The following DGKE variants were observed in gnomAD, a reference collection of about 807,000 sequenced individuals.
DGKE encodes diacylglycerol kinase epsilon, also known as DAG kinase epsilon.
Under a neutral mutation model 70.0 loss-of-function variants are expected in DGKE, and 53 were observed. The observed-to-expected ratio is 0.76, with a 90% CI of 0.61 to 0.95. DGKE has a LOEUF of 0.95. Ranked by LOEUF, DGKE falls within the 40% of genes least tolerant of loss-of-function variation. The probability of loss-of-function intolerance (pLI) is 0.00; values close to 1 mark genes in which losing one functional copy is unlikely to be tolerated. For synonymous variants in DGKE, 291 were observed against 257.0 expected, an observed-to-expected ratio of 1.13 and a Z score of -1.27; for missense variants, 655 against 706.9, an observed-to-expected ratio of 0.93 and a Z score of 0.83.
chr17:56,847,817 A>G (rs1907388281), intron 4 of DGKE, 105 bp from the exon 5 acceptor site: 1 of 740,862 alleles, frequency 1.3e-6, no homozygotes, highest in Admixed American at 3.4e-5. Context: ...CATAGTAGCC[A>G]GTAATGTTAT....
In DGKE at chr17:56,849,231, A is replaced by G. The variant is rs74815275; in HGVS notation, c.1097A>G (p.Lys366Arg). ...NKGYYNLRKP[K>R]EFTMNNYFSV... ...GGATACTACAACTTAAGAAAACCCA[A>G]GGTATGTTGTTAGTGCCTCAGTTGC... Residue 366 changes from lysine (K) to arginine (R), a missense_variant and splice_region_variant, in exon 7 of 12, where the codon AAG (lysine) becomes AGG (arginine). Lys to Arg is a conservative substitution (Grantham distance 26). Coordinates refer to ENST00000284061, the MANE Select transcript of DGKE (RefSeq NM_003647.3). 2.2e-5 allele frequency: 35 copies of G among 1,610,272 alleles called. No homozygotes were observed. In the East Asian group the frequency reaches 7.4e-4, roughly 34 times the overall value.
chr17:56,850,327 C>A (rs1420454256), intron 7 of DGKE, among the ~76,000 whole-genome samples: 1 of 151,866 alleles, frequency 6.6e-6, no homozygotes, highest in Non-Finnish European at 1.5e-5. Flanking sequence ...GAGAGAGGGT[C>A]TCCCTATATT....
In DGKE at chr17:56,835,197, G is replaced by C. The variant is rs1423764273; in HGVS notation, c.402G>C (p.Leu134=). 6.2e-7 allele frequency: 1 copy of C among 1,614,006 alleles called. No homozygotes were observed. Among genetic ancestry groups the C allele is most frequent in the Non-Finnish European group, 8.5e-7 (1 of 1,180,038 alleles). The stretch of plus-strand genomic sequence containing the variant: ...ACTGGATCCGGGGCAACGTGCCCCT[G>C]TGCAGTTACTGTATGGTTTGCAAGC... ...PHHWIRGNVP[L]CSYCMVCKQQ... is the part of the protein sequence containing the mutation. Residue 134 remains leucine (L), a synonymous_variant, in exon 2 of 12, where the codon CTG becomes CTC. Coordinates refer to ENST00000284061, the MANE Select transcript of DGKE (RefSeq NM_003647.3).
chr17:56,849,323 T>A (rs1907508922), intron 7 of DGKE, 91 bp downstream of exon 7: 1 of 1,179,458 alleles, frequency 8.5e-7, no homozygotes, highest in Non-Finnish European at 1.2e-6. Context: ...CTGGTGCTTA[T>A]CTCAAGGGAG....
At position 56,834,912 on chromosome 17, in the gene DGKE, G is replaced by C. The variant is rs201377251; in HGVS notation, c.117G>C (p.Trp39Cys). ...SVLLPVFITF[W>C]CSLQRSRRQL... ...TGCTGCCGGTGTTCATCACCTTCTGGTGTAGCCTCCAGCGGTCGCGCCGGC... is the reference window on the plus strand; with the variant it reads ...TGCTGCCGGTGTTCATCACCTTCTGCTGTAGCCTCCAGCGGTCGCGCCGGC... Residue 39 changes from tryptophan (W) to cysteine (C), a missense_variant, in exon 2 of 12, where the codon TGG (tryptophan) becomes TGC (cysteine). By Grantham distance (215) the Trp-to-Cys change is radical (BLOSUM62 -2). Coordinates refer to ENST00000284061, the MANE Select transcript of DGKE (RefSeq NM_003647.3). 1.4e-5 allele frequency: 23 copies of C among 1,613,720 alleles called. No individual in the cohort carries two copies. In the Admixed American group the frequency reaches 3.8e-4, roughly 27 times the overall value.
chr17:56,847,966 C>G lies in DGKE; in HGVS notation c.789C>G (p.Leu263=). ...TKTPPIKALQ[L]CTLLPYYSAR... ...CTCCTCCTATCAAAGCCCTACAACTCTGTACTCTTCTCCCATATTATTCAG... is the reference window on the plus strand; with the variant it reads ...CTCCTCCTATCAAAGCCCTACAACTGTGTACTCTTCTCCCATATTATTCAG... The change falls in exon 5 of 12, where the codon CTC becomes CTG. Residue 263 remains leucine, a synonymous_variant. Transcript: ENST00000284061. 1 of 1,603,156 alleles carries G rather than the reference C, an allele frequency of 6.2e-7. No individual in the cohort carries two copies. The highest frequency in any genetic ancestry group is 8.5e-7 in the Non-Finnish European group (1 of 1,174,178).
At chr17:56,862,028 A>G (rs1243619437) in intron 10 of DGKE, 110 bp downstream of exon 10, 15 of 1,528,214 alleles carry the variant, frequency 9.8e-6, no homozygotes, top group Non-Finnish European at 1.2e-5. Context: ...GTATCTCATT[A>G]GTTATAAATA....
rs36011746 is a variant in DGKE at position 56,867,911 on chromosome 17, C to CAA, written c.*5134_*5135dup. The CAA allele has an allele frequency of 4.8e-4, 52 of 107,854 alleles. No individual in the cohort carries two copies. Among genetic ancestry groups the CAA allele is most frequent in the Non-Finnish European group, 6.8e-4 (36 of 52,890 alleles). 6.7% of individuals were successfully genotyped at this position (107,854 alleles called of 1,614,324 possible). On this transcript the variant is annotated 3_prime_UTR_variant, in exon 12 of 12. Transcript: ENST00000284061. The stretch of plus-strand genomic sequence containing the variant: ...TGGGCCAAAGAGTGAGACTCCATCT[C>CAA]AAAAAAAAAAAAAAAGAAAGAAATG...
At chr17:56,834,692 C>T in intron 1 of DGKE, 86 bp from the exon 2 acceptor site, 1 of 1,284,512 alleles carries the variant, frequency 7.8e-7, no homozygotes, top group Non-Finnish European at 1.1e-6. Flanking sequence ...TCACTGAGGG[C>T]GCCCGGTTTG....
Position 56,844,115 on chromosome 17 carries a change from T to G in DGKE, c.561T>G (p.Ile187Met). 6.3e-7 allele frequency: 1 copy of G among 1,587,110 alleles called. No homozygotes were observed. Residue 187 changes from isoleucine to methionine, a missense_variant, in exon 3 of 12, where the codon ATT becomes ATG. By Grantham distance (10) the Ile-to-Met change is conservative (BLOSUM62 1). Transcript: ENST00000284061. The stretch of plus-strand genomic sequence containing the variant: ...TTGGAGAATTCAAAAACCTAATCAT[T>G]CCACCAAGTTATTTAACATCCATTA... ...CDFGEFKNLI[I>M]PPSYLTSINQ...
intron 2 of DGKE, among the ~76,000 whole-genome samples, chr17:56,841,244 T>A (rs1176670168): frequency 1.1e-5 from 1 of 93,346 alleles, no homozygotes; most frequent in Non-Finnish European, 2.3e-5. Context: ...AGAGTGATAC[T>A]CTGTCTCAAA....
At chr17:56,851,065 T>C (rs2144251851) in intron 7 of DGKE, among the ~76,000 whole-genome samples, 1 of 152,236 alleles carries the variant, frequency 6.6e-6, no homozygotes, top group African/African-American at 2.4e-5. Context: ...AGAGTAGATC[T>C]GTATTTTTAA....
chr17:56,834,754 A>G (rs373851610), intron 1 of DGKE, 24 bp from the exon 2 acceptor site: 60 of 1,539,314 alleles, frequency 3.9e-5, no homozygotes, highest in Non-Finnish European at 5.0e-5. Context: ...CTCGGGGTGC[A>G]CCGCCTGTTT....
At chr17:56,844,924 T>C (rs760209462) in intron 3 of DGKE, among the ~76,000 whole-genome samples, 4 of 152,314 alleles carry the variant, frequency 2.6e-5, no homozygotes, top group Admixed American at 2.0e-4. Flanking sequence ...TGTACCTTTT[T>C]CAAATTAAGA....
chr17:56,856,362 T>G, intron 7 of DGKE, 150 bp from the exon 8 acceptor site: 3 of 819,766 alleles, frequency 3.7e-6, no homozygotes, highest in Non-Finnish European at 5.6e-6. Context: ...TCTGGTAACT[T>G]CACTGGACAG....
Position 56,834,958 on chromosome 17 carries a change from T to C in DGKE, c.163T>C (p.Phe55Leu), listed in dbSNP as rs1567806847. ...SRRQLHRRDIFRKSKHGWRDT... is the reference protein window; with the variant it reads ...SRRQLHRRDILRKSKHGWRDT... ...CCGGCAGCTGCACCGCAGGGACATCTTCCGCAAGAGCAAGCACGGGTGGCG... is the reference window on the plus strand; with the variant it reads ...CCGGCAGCTGCACCGCAGGGACATCCTCCGCAAGAGCAAGCACGGGTGGCG... The change falls in exon 2 of 12, where the codon TTC (phenylalanine) becomes CTC (leucine). Residue 55 changes from phenylalanine (F) to leucine (L), a missense_variant. Coordinates refer to ENST00000284061, the MANE Select transcript of DGKE (RefSeq NM_003647.3). 4.3e-6 allele frequency: 7 copies of C among 1,613,244 alleles called. No individual in the cohort carries two copies. The highest frequency in any genetic ancestry group is 5.9e-6 in the Non-Finnish European group (7 of 1,179,974).
chr17:56,839,610 C>A (rs7223066), intron 2 of DGKE, among the ~76,000 whole-genome samples: 7 of 152,002 alleles, frequency 4.6e-5, no homozygotes, highest in African/African-American at 7.3e-5. Context: ...CCTTAGCCTC[C>A]CAGGTTCAAG....
chr17:56,843,002 G>C (rs1289142509), intron 2 of DGKE, among the ~76,000 whole-genome samples: 1 of 152,170 alleles, frequency 6.6e-6, no homozygotes, highest in East Asian at 1.9e-4. Context: ...AAAAAGAAAT[G>C]CACGGTTGTA....
In DGKE at chr17:56,865,245, A is replaced by G. The variant is rs772598149; in HGVS notation, c.*2454A>G. ...CTACACTTTACCAAAAAAAATTGCCATAAGATTTTCCTGTTCCATTTTAAA... is the reference window on the plus strand; with the variant it reads ...CTACACTTTACCAAAAAAAATTGCCGTAAGATTTTCCTGTTCCATTTTAAA... On this transcript the variant is annotated 3_prime_UTR_variant, in exon 12 of 12. Transcript: ENST00000284061. 1 of 152,202 alleles carries G rather than the reference A, an allele frequency of 6.6e-6. No individual in the cohort carries two copies. The highest frequency in any genetic ancestry group is 1.5e-5 in the Non-Finnish European group (1 of 68,012). The allele number at this position is 152,202 out of a possible 1,614,324, so 9.4% of individuals were successfully genotyped here.
Sources: allele counts gnomAD v4.1 joint callset (sites outside exome capture counted in the v4.1 genomes callset), GRCh38; gene constraint gnomAD v4.1.1; transcripts MANE v1.5; gene names NCBI Gene and HGNC (gene_info 2026-07-23, HGNC 2026-07-21).